TNFRSF10A: variants seen among roughly 807,000 people sequenced by gnomAD.
TNFRSF10A encodes TNF receptor superfamily member 10a.
In TNFRSF10A, 44 loss-of-function variants were observed where a neutral mutation model predicts 42.8. That is an observed-to-expected ratio of 1.03 (90% CI 0.81 to 1.32). The LOEUF (loss-of-function observed/expected upper bound fraction) is 1.32. TNFRSF10A is among the 40% of genes most tolerant of loss of function. TNFRSF10A has a pLI of 0.00. For missense variants in TNFRSF10A, 680 were observed against 602.0 expected, an observed-to-expected ratio of 1.13 and a Z score of -1.36; for synonymous variants, 259 against 234.2, an observed-to-expected ratio of 1.11 and a Z score of -0.97.
At position 23,214,830 on chromosome 8, in the gene TNFRSF10A, G is replaced by T. The variant is rs372727663; in HGVS notation, c.307-2618C>A. 3.7e-4 allele frequency among the ~76,000 whole-genome samples: 56 copies of T among 152,268 alleles called. 1 individual carries two copies. The highest frequency in any genetic ancestry group is 3.3e-3 in the South Asian group (16 of 4,832). On this transcript the variant is annotated intron_variant, in intron 1 of 9. Coordinates refer to ENST00000221132, the MANE Select transcript of TNFRSF10A (RefSeq NM_003844.4). ...TCAAATATTAAATAATGAACTTCAG[G>T]TTTAAAAAGGCACTTTACAAACTGT...
intron 1 of TNFRSF10A, among the ~76,000 whole-genome samples, chr8:23,216,289 C>G (rs6557638): frequency 0.69 from 105,049 of 152,016 alleles, 36,698 homozygotes; most frequent in East Asian, 1. Context: ...AAGTAATGCA[C>G]ACCTCTGAGT....
intron 1 of TNFRSF10A, among the ~76,000 whole-genome samples, chr8:23,219,765 G>A (rs1801232528): frequency 6.6e-6 from 1 of 152,232 alleles, no homozygotes; most frequent in Non-Finnish European, 1.5e-5. Flanking sequence ...TCCACCCAGT[G>A]CTGAGACCAA....
Position 23,191,369 on chromosome 8 carries a change from G to A in TNFRSF10A, c.*325C>T, listed in dbSNP as rs117512272. ...GTGTCCCAGGCTGGAGTGCAGTGGT[G>A]CAATCTCAGCTCACTGCCTCGTGGG... On this transcript the variant is annotated 3_prime_UTR_variant, in exon 10 of 10. Coordinates refer to ENST00000221132, the MANE Select transcript of TNFRSF10A (RefSeq NM_003844.4). The A allele has an allele frequency of 4.6e-3, 1,696 of 366,956 alleles. 27 individuals carry two copies. Among genetic ancestry groups the A allele is most frequent in the East Asian group, 0.037 (755 of 20,638 alleles). 22.7% of individuals were successfully genotyped at this position (366,956 alleles called of 1,614,324 possible).
At chr8:23,213,644 T>G (rs1801127415) in intron 1 of TNFRSF10A, among the ~76,000 whole-genome samples, 1 of 151,942 alleles carries the variant, frequency 6.6e-6, no homozygotes, top group Admixed American at 6.6e-5. Context: ...GAGACAGAGT[T>G]TCACTGTGTT....
At chr8:23,224,725 T>C (rs1485510117) in intron 1 of TNFRSF10A, 31 bp downstream of exon 1, 2 of 1,544,476 alleles carry the variant, frequency 1.3e-6, no homozygotes, top group Non-Finnish European at 1.7e-6. Context: ...AGGCGCGCTT[T>C]TCCCCAGGCA....
intron 6 of TNFRSF10A, among the ~76,000 whole-genome samples, chr8:23,200,146 T>C (rs1052198017): frequency 3.3e-5 from 5 of 152,256 alleles, no homozygotes; most frequent in African/African-American, 1.2e-4. Flanking sequence ...TTTTCTGCTC[T>C]GTGTTTTGCT....
At chr8:23,211,008 T>C (rs974017905) in intron 2 of TNFRSF10A, among the ~76,000 whole-genome samples, 2 of 152,222 alleles carry the variant, frequency 1.3e-5, no homozygotes, top group African/African-American at 4.8e-5. Flanking sequence ...AAAAAAGATA[T>C]CTGTTTTCAC....
At chr8:23,193,570 T>C (rs1800782921) in intron 9 of TNFRSF10A, among the ~76,000 whole-genome samples, 1 of 152,052 alleles carries the variant, frequency 6.6e-6, no homozygotes, top group African/African-American at 2.4e-5. Flanking sequence ...GAGGCTTGTT[T>C]GTAATTGTGT....
intron 3 of TNFRSF10A, 130 bp from the exon 4 acceptor site, chr8:23,202,049 T>C: frequency 4.0e-6 from 3 of 747,058 alleles, no homozygotes; most frequent in Non-Finnish European, 6.8e-6. Flanking sequence ...AGGGCCAGAT[T>C]CTGCACCAGC....
At chr8:23,222,023 C>T (rs1386531287) in intron 1 of TNFRSF10A, among the ~76,000 whole-genome samples, 1 of 152,010 alleles carries the variant, frequency 6.6e-6, no homozygotes, top group Non-Finnish European at 1.5e-5. Context: ...ACTACAGGCG[C>T]CCGCCACCGT....
chr8:23,220,476 T>G (rs1463661578), intron 1 of TNFRSF10A, among the ~76,000 whole-genome samples: 1 of 152,226 alleles, frequency 6.6e-6, no homozygotes, highest in Non-Finnish European at 1.5e-5. Flanking sequence ...TTGGCCGTGC[T>G]CCTCTTCAGC....
In TNFRSF10A at chr8:23,191,398, A is replaced by G; in HGVS notation, c.*296T>C. ...TCTCAGCTCACTGCCTCGTGGGTTCAAGTGATTCTCCTGCCTCAGCCTCCC... is the reference window on the plus strand; with the variant it reads ...TCTCAGCTCACTGCCTCGTGGGTTCGAGTGATTCTCCTGCCTCAGCCTCCC... On this transcript the variant is annotated 3_prime_UTR_variant, in exon 10 of 10. Transcript: ENST00000221132. The G allele has an allele frequency of 2.2e-6, 1 of 444,558 alleles. No homozygotes were observed. Among genetic ancestry groups the G allele is most frequent in the Admixed American group, 3.9e-5 (1 of 25,338 alleles). 27.5% of individuals were successfully genotyped at this position (444,558 alleles called of 1,614,324 possible).
chr8:23,218,532 C>G (rs1367778747), intron 1 of TNFRSF10A, among the ~76,000 whole-genome samples: 1 of 152,076 alleles, frequency 6.6e-6, no homozygotes, highest in Non-Finnish European at 1.5e-5. Flanking sequence ...GGTTAAGAAG[C>G]AAGCCATCTG....
chr8:23,206,052 A>T (rs1203332029), intron 2 of TNFRSF10A, among the ~76,000 whole-genome samples: 1 of 152,200 alleles, frequency 6.6e-6, no homozygotes, highest in Admixed American at 6.5e-5. Context: ...TAACAAAAAA[A>T]TTTTTAAGTA....
intron 1 of TNFRSF10A, among the ~76,000 whole-genome samples, chr8:23,217,471 C>T (rs1453377077): frequency 4.6e-5 from 7 of 152,136 alleles, no homozygotes; most frequent in Non-Finnish European, 7.4e-5. Context: ...CCACCTCAGC[C>T]TCCCGAAGTG....
chr8:23,219,414 AG>A (rs1336728020), intron 1 of TNFRSF10A, among the ~76,000 whole-genome samples: 1 of 101,694 alleles, frequency 9.8e-6, no homozygotes, highest in Admixed American at 1.0e-4. Context: ...AGGAGCTCCC[AG>A]AGGCCAAGTG....
intron 1 of TNFRSF10A, among the ~76,000 whole-genome samples, chr8:23,218,757 C>G (rs373456951): frequency 7.2e-5 from 11 of 152,246 alleles, no homozygotes; most frequent in African/African-American, 2.4e-4. Context: ...GCTGCTGCCC[C>G]GAGGGTTGCT....
chr8:23,212,492 G>A (rs1801105585), intron 1 of TNFRSF10A, among the ~76,000 whole-genome samples: 1 of 152,138 alleles, frequency 6.6e-6, no homozygotes, highest in Non-Finnish European at 1.5e-5. Context: ...TTTTCTTGAG[G>A]CTGTCATATT....
At chr8:23,194,622 C>G (rs1800798596) in intron 9 of TNFRSF10A, among the ~76,000 whole-genome samples, 1 of 152,082 alleles carries the variant, frequency 6.6e-6, no homozygotes, top group Admixed American at 6.6e-5. Flanking sequence ...ATATATTTAA[C>G]TTTGAAGCTC....
Sources: allele counts gnomAD v4.1 joint callset (sites outside exome capture counted in the v4.1 genomes callset), GRCh38; gene constraint gnomAD v4.1.1; transcripts MANE v1.5; gene names NCBI Gene and HGNC (gene_info 2026-07-23, HGNC 2026-07-21).